Variants in PDE4D observed in about 807,000 individuals in gnomAD.
PDE4D encodes 3',5'-cyclic-AMP phosphodiesterase 4D.
Under a neutral mutation model 87.4 loss-of-function variants are expected in PDE4D, and 24 were observed. The ratio of observed to expected loss-of-function variants is 0.27; its 90% CI spans 0.20 to 0.39. The LOEUF (loss-of-function observed/expected upper bound fraction) is 0.39. PDE4D is among the 10% of genes least tolerant of loss of function. The pLI is 1.00. For missense variants in PDE4D, 714 were observed against 1,041.0 expected (o/e 0.69, Z 4.32); for synonymous variants, 384 against 383.2 (o/e 1.00, Z -0.02).
At chr5:60,330,406 C>T (rs1381905329) in intron 1 of PDE4D, among the ~76,000 whole-genome samples, 1 of 152,148 alleles carries the variant, frequency 6.6e-6, no homozygotes, top group Non-Finnish European at 1.5e-5. Context: ...GGGGAAAATA[C>T]CAAATGAGCC....
chr5:59,909,520 C>T (rs149911233), intron 3 of PDE4D, among the ~76,000 whole-genome samples: 30 of 152,096 alleles, frequency 2.0e-4, no homozygotes, highest in African/African-American at 7.0e-4. Flanking sequence ...TTCAGCATCC[C>T]GAGCAGCGGG....
chr5:60,216,591 G>A (rs1036173607), intron 1 of PDE4D, among the ~76,000 whole-genome samples: 4 of 152,014 alleles, frequency 2.6e-5, no homozygotes, highest in Admixed American at 6.6e-5. Flanking sequence ...AAAATAAAAC[G>A]ATGAAACAAA....
intron 1 of PDE4D, among the ~76,000 whole-genome samples, chr5:60,469,660 A>C (rs1459523629): frequency 6.6e-6 from 1 of 152,108 alleles, no homozygotes; most frequent in East Asian, 1.9e-4. Flanking sequence ...ATAATATTTA[A>C]AATTTTTCAT....
chr5:59,923,669 GC>G (rs1265303949), intron 3 of PDE4D, among the ~76,000 whole-genome samples: 2 of 152,218 alleles, frequency 1.3e-5, no homozygotes, highest in Non-Finnish European at 2.9e-5. Context: ...GTCTTGGGGT[GC>G]CCCCTAATGC....
In PDE4D at chr5:59,811,448, A is replaced by G. The variant is rs550765662; in HGVS notation, c.455+81720T>C. ...CAGTCGCCATTTTAATCACTCTCAAAGAATGCTCTCCCATATTAGCTACAA... is the reference window on the plus strand; with the variant it reads ...CAGTCGCCATTTTAATCACTCTCAAGGAATGCTCTCCCATATTAGCTACAA... On this transcript the variant is annotated intron_variant, in intron 1 of 14. Transcript: ENST00000340635. Among the ~76,000 whole-genome samples, 94 of 152,328 alleles carry G rather than the reference A, an allele frequency of 6.2e-4. 2 individuals carry two copies. In the South Asian group the frequency reaches 0.018, roughly 29 times the overall value.
intron 6 of PDE4D, 118 bp downstream of exon 6, chr5:59,038,741 A>G: frequency 1.0e-6 from 1 of 957,794 alleles, no homozygotes; most frequent in Admixed American, 3.6e-5. Flanking sequence ...AGAATAGCCA[A>G]CATGCAGTAA....
intron 1 of PDE4D, among the ~76,000 whole-genome samples, chr5:59,571,900 C>A (rs1041645005): frequency 1.3e-5 from 2 of 152,144 alleles, no homozygotes; most frequent in African/African-American, 4.8e-5. Flanking sequence ...CTTATTTCAC[C>A]TGGCCCCATA....
chr5:59,475,363 A>G (rs1211244823), intron 1 of PDE4D, among the ~76,000 whole-genome samples: 2 of 152,094 alleles, frequency 1.3e-5, no homozygotes, highest in African/African-American at 4.8e-5. Context: ...AACCATGGTT[A>G]TATATTAACC....
At chr5:59,540,122 T>C (rs994574621) in intron 1 of PDE4D, among the ~76,000 whole-genome samples, 2 of 152,188 alleles carry the variant, frequency 1.3e-5, no homozygotes, top group African/African-American at 4.8e-5. Context: ...GTGATATTGA[T>C]GCTAACCTGG....
At chr5:60,322,407 C>A (rs1211576043) in intron 1 of PDE4D, among the ~76,000 whole-genome samples, 27 of 129,566 alleles carry the variant, frequency 2.1e-4, no homozygotes, top group South Asian at 1.8e-3. Flanking sequence ...CACACACACA[C>A]ACACACACAA....
chr5:59,878,646 T>A (rs1464441618), intron 1 of PDE4D, among the ~76,000 whole-genome samples: 1 of 152,080 alleles, frequency 6.6e-6, no homozygotes, highest in African/African-American at 2.4e-5. Flanking sequence ...TGGAAATACA[T>A]GTAATTTAAA....
intron 1 of PDE4D, among the ~76,000 whole-genome samples, chr5:59,630,856 C>T (rs187606628): frequency 1.5e-3 from 223 of 152,272 alleles, no homozygotes; most frequent in African/African-American, 5.1e-3. Flanking sequence ...TTTCATTGGT[C>T]TTGATCCTGC....
At chr5:60,401,760 T>C (rs890321749) in intron 1 of PDE4D, among the ~76,000 whole-genome samples, 2 of 152,246 alleles carry the variant, frequency 1.3e-5, no homozygotes, top group Non-Finnish European at 2.9e-5. Context: ...TCCTGATTAA[T>C]GTGCTACTTA....
intron 1 of PDE4D, among the ~76,000 whole-genome samples, chr5:59,425,105 C>A (rs1345128810): frequency 6.6e-6 from 1 of 152,042 alleles, no homozygotes; most frequent in Non-Finnish European, 1.5e-5. Flanking sequence ...CTAATTCAGA[C>A]AAATCAGAAG....
chr5:60,044,024 G>C (rs1011201075), intron 2 of PDE4D, among the ~76,000 whole-genome samples: 5 of 151,944 alleles, frequency 3.3e-5, no homozygotes, highest in Non-Finnish European at 5.9e-5. Context: ...CTTCTCTTCT[G>C]TAGCTTCTTT....
At chr5:59,332,060 G>C (rs1440544930) in intron 1 of PDE4D, among the ~76,000 whole-genome samples, 1 of 152,118 alleles carries the variant, frequency 6.6e-6, no homozygotes, top group Admixed American at 6.5e-5. Context: ...GAGCTCCTTA[G>C]AGCATGGCTA....
chr5:59,594,222 T>A (rs1207668600), intron 1 of PDE4D, among the ~76,000 whole-genome samples: 1 of 151,428 alleles, frequency 6.6e-6, no homozygotes, highest in Non-Finnish European at 1.5e-5. Flanking sequence ...GTCTGAAACC[T>A]AATTATGGAA....
chr5:59,000,949 A>C (rs560448077), intron 6 of PDE4D, among the ~76,000 whole-genome samples: 1 of 152,298 alleles, frequency 6.6e-6, no homozygotes, highest in Non-Finnish European at 1.5e-5. Context: ...TCAGCCTCCC[A>C]AAGTGCTGGG....
At chr5:60,284,527 C>T (rs1218918186) in intron 1 of PDE4D, among the ~76,000 whole-genome samples, 1 of 152,176 alleles carries the variant, frequency 6.6e-6, no homozygotes, top group Non-Finnish European at 1.5e-5. Context: ...AGTGTGTTAT[C>T]TGCTTTTAGC....
Sources: gnomAD v4.1 joint callset for allele counts (sites outside exome capture counted in the v4.1 genomes callset) on GRCh38, gnomAD v4.1.1 for gene constraint, MANE v1.5 for transcripts, NCBI Gene and HGNC (gene_info 2026-07-23, HGNC 2026-07-21) for gene names.